Variants in DIAPH3 observed in about 807,000 individuals in gnomAD.
The protein encoded by DIAPH3 is protein diaphanous homolog 3.
In DIAPH3, 117 loss-of-function variants were observed where a neutral mutation model predicts 144.3. That is an observed-to-expected ratio of 0.81 (90% CI 0.70 to 0.95). The LOEUF (loss-of-function observed/expected upper bound fraction) is 0.95. Ranked by LOEUF, DIAPH3 falls within the 40% of genes least tolerant of loss-of-function variation. The pLI is 0.00. For synonymous variants in DIAPH3, 519 were observed against 488.9 expected, an observed-to-expected ratio of 1.06 and a Z score of -0.81; for missense variants, 1,421 against 1,412.7, an observed-to-expected ratio of 1.01 and a Z score of -0.09.
chr13:59,929,639 T>C (rs1862799502), intron 17 of DIAPH3, among the ~76,000 whole-genome samples: 1 of 143,186 alleles, frequency 7.0e-6, no homozygotes, highest in South Asian at 2.3e-4. Context: ...CTCGGCTCAC[T>C]GCAACCTCCG....
intron 22 of DIAPH3, among the ~76,000 whole-genome samples, chr13:59,846,937 G>A (rs1235074943): frequency 6.6e-6 from 1 of 152,090 alleles, no homozygotes; most frequent in Non-Finnish European, 1.5e-5. Flanking sequence ...AGATTAGCCA[G>A]GGGTAGTGGT....
At chr13:59,870,740 G>A (rs555231676) in intron 21 of DIAPH3, among the ~76,000 whole-genome samples, 2 of 150,218 alleles carry the variant, frequency 1.3e-5, no homozygotes, top group South Asian at 2.1e-4. Context: ...GCACGATCTC[G>A]GCTCACCACA....
At chr13:59,774,336 G>C (rs2139278144) in intron 26 of DIAPH3, 88 bp from the exon 27 acceptor site, 1 of 1,124,990 alleles carries the variant, frequency 8.9e-7, no homozygotes, top group Non-Finnish European at 1.3e-6. Flanking sequence ...TTTTTCCAAG[G>C]TTATGTATTT....
intron 27 of DIAPH3, among the ~76,000 whole-genome samples, chr13:59,735,684 T>TC (rs917336978): frequency 2.0e-5 from 3 of 151,632 alleles, no homozygotes; most frequent in Middle Eastern, 3.2e-3. Flanking sequence ...ATTTTTTTTT[T>TC]CCCCAACTTA....
chr13:59,763,239 T>C (rs1313313125), intron 27 of DIAPH3, among the ~76,000 whole-genome samples: 1 of 152,098 alleles, frequency 6.6e-6, no homozygotes, highest in Non-Finnish European at 1.5e-5. Context: ...TGTGTATATA[T>C]ATACACATAT....
At position 60,013,196 on chromosome 13, in the gene DIAPH3, C is replaced by G. The variant is rs1483988226; in HGVS notation, c.772-2527G>C. The G allele has an allele frequency of 4.1e-6, 4 of 985,296 alleles. No homozygotes were observed. The African/African-American group carries it at 5.2e-5, about 13-fold the overall frequency. 61.0% of individuals were successfully genotyped at this position (985,296 alleles called of 1,614,324 possible). On this transcript the variant is annotated intron_variant, in intron 7 of 27. Transcript: ENST00000400324. Reference sequence around the variant, plus strand: ...AACTGGCCTGTTCTAAACTGAGGATCAATGCCAGGTTCCGCCTGCATTCCA... The same window carrying G: ...AACTGGCCTGTTCTAAACTGAGGATGAATGCCAGGTTCCGCCTGCATTCCA...
chr13:59,872,620 C>G (rs569107444), intron 21 of DIAPH3, among the ~76,000 whole-genome samples: 2 of 152,276 alleles, frequency 1.3e-5, no homozygotes, highest in South Asian at 4.1e-4. Context: ...ACAATGCAGA[C>G]CCTTGATAAA....
At chr13:59,866,407 C>T (rs2043926738) in intron 21 of DIAPH3, among the ~76,000 whole-genome samples, 1 of 152,008 alleles carries the variant, frequency 6.6e-6, no homozygotes, top group Non-Finnish European at 1.5e-5. Flanking sequence ...TTTAGTCTAG[C>T]TTATTATTAA....
At chr13:59,714,502 G>A (rs928378864) in intron 27 of DIAPH3, among the ~76,000 whole-genome samples, 2 of 152,152 alleles carry the variant, frequency 1.3e-5, no homozygotes, top group African/African-American at 4.8e-5. Flanking sequence ...ACCACTGCCT[G>A]CTAGCCTGGG....
intron 9 of DIAPH3, among the ~76,000 whole-genome samples, chr13:59,992,849 A>G (rs1353528164): frequency 7.8e-6 from 1 of 128,508 alleles, no homozygotes; most frequent in Non-Finnish European, 1.7e-5. Flanking sequence ...AAAAATAGAA[A>G]AAAAAAAAAA....
At chr13:60,129,500 T>C (rs2059081921) in intron 2 of DIAPH3, among the ~76,000 whole-genome samples, 1 of 152,192 alleles carries the variant, frequency 6.6e-6, no homozygotes, top group Non-Finnish European at 1.5e-5. Context: ...GAAATAACCT[T>C]AAAACATGAA....
Position 59,666,780 on chromosome 13 carries a change from C to T in DIAPH3, c.3386G>A (p.Arg1129Lys). 1 of 1,614,084 alleles carries T rather than the reference C, an allele frequency of 6.2e-7. No homozygotes were observed. The highest frequency in any genetic ancestry group is 1.6e-4 in the Middle Eastern group (1 of 6,062). The change falls in exon 28 of 28, where the codon AGG (arginine) becomes AAG (lysine). Residue 1129 changes from arginine to lysine, a missense_variant. Physicochemically the swap from Arg to Lys is conservative, Grantham distance 26 (BLOSUM62 2). Coordinates refer to ENST00000400324, the MANE Select transcript of DIAPH3 (RefSeq NM_001042517.2). ...SHYNINCNST[R>K]TPVAKELNYN... is the part of the protein sequence containing the mutation. ...ATTAAGCTCCTTGGCGACTGGAGTC[C>T]TTGTTGAGTTGCAATTGATATTGTA...
chr13:60,157,636 T>C (rs1952094061), intron 1 of DIAPH3, among the ~76,000 whole-genome samples: 1 of 152,242 alleles, frequency 6.6e-6, no homozygotes, highest in Non-Finnish European at 1.5e-5. Flanking sequence ...CACATTTTCC[T>C]GTTTTTTCCT....
At chr13:59,876,223 G>C (rs562412513) in intron 21 of DIAPH3, among the ~76,000 whole-genome samples, 2 of 152,098 alleles carry the variant, frequency 1.3e-5, no homozygotes, top group Non-Finnish European at 2.9e-5. Context: ...CAAAGATCAA[G>C]CTGCTACTTC....
At chr13:59,712,037 A>G (rs2034774330) in intron 27 of DIAPH3, among the ~76,000 whole-genome samples, 1 of 152,228 alleles carries the variant, frequency 6.6e-6, no homozygotes, top group South Asian at 2.1e-4. Context: ...AGAGAAGGTT[A>G]CAAATAGAAT....
intron 24 of DIAPH3, 123 bp downstream of exon 24, chr13:59,832,984 A>G (rs1412163999): frequency 1.2e-6 from 1 of 807,582 alleles, no homozygotes; most frequent in Non-Finnish European, 2.0e-6. Context: ...CTGAAATTTT[A>G]TAGCTTTCAA....
At position 59,971,047 on chromosome 13, in the gene DIAPH3, C is replaced by A. The variant is rs372678608; in HGVS notation, c.1764G>T (p.Pro588=). 1 of 1,613,390 alleles carries A rather than the reference C, an allele frequency of 6.2e-7. No homozygotes were observed. The highest frequency in any genetic ancestry group is 1.3e-5 in the African/African-American group (1 of 74,952). ...PPPLPSGGGV[P]PPPPPPPPPP... ...GAGGTGGTGGGGGAGGAGGTGGAGG[C>A]GGCACCCCTCCACCAGAAGGCAGTG... Residue 588 remains proline, a synonymous_variant, in exon 16 of 28, where the codon CCG becomes CCT. Transcript: ENST00000400324.
At chr13:59,783,312 A>G (rs537304807) in intron 25 of DIAPH3, among the ~76,000 whole-genome samples, 3 of 152,194 alleles carry the variant, frequency 2.0e-5, no homozygotes, top group African/African-American at 7.2e-5. Flanking sequence ...GGCTCAGCCA[A>G]TTGTATATAT....
intron 27 of DIAPH3, among the ~76,000 whole-genome samples, chr13:59,766,926 C>T (rs992266243): frequency 1.3e-5 from 2 of 152,158 alleles, no homozygotes; most frequent in African/African-American, 4.8e-5. Context: ...AATCTGTGCT[C>T]GGGTGCTTAT....
Sources: gnomAD v4.1 joint callset for allele counts (sites outside exome capture counted in the v4.1 genomes callset) on GRCh38, gnomAD v4.1.1 for gene constraint, MANE v1.5 for transcripts, NCBI Gene and HGNC (gene_info 2026-07-23, HGNC 2026-07-21) for gene names.